Variants in MAP3K9 observed in about 807,000 individuals in gnomAD.
MAP3K9 encodes mixed lineage kinase 1 (tyr and ser/thr specificity).
MAP3K9 carries 46 observed loss-of-function variants against 95.8 expected under a neutral mutation model. The ratio of observed to expected loss-of-function variants is 0.48; its 90% CI spans 0.38 to 0.61. The LOEUF (loss-of-function observed/expected upper bound fraction) is 0.61, where lower values mean the gene tolerates loss of function less well. MAP3K9 is among the 20% of genes least tolerant of loss of function. The probability of loss-of-function intolerance (pLI) is 0.00; values close to 1 mark genes in which losing one functional copy is unlikely to be tolerated. For synonymous variants in MAP3K9, 533 were observed against 593.8 expected (o/e 0.90, Z 1.49); for missense variants, 1,296 against 1,474.3 (o/e 0.88, Z 1.98).
rs966999420 is a variant in MAP3K9, at chr14:70,749,872, C to T, written c.1150+61G>A. On this transcript the variant is annotated intron_variant, in intron 4 of 11. Transcript: ENST00000554752. The stretch of plus-strand genomic sequence containing the variant: ...CTGATCTCACAGAATTGGCCAAACT[C>T]TACCCAGTGCTTACAAGAGGCAAAG... 4.4e-6 allele frequency: 7 copies of T among 1,600,200 alleles called. No homozygotes were observed. The African/African-American group carries it at 8.0e-5, about 18-fold the overall frequency.
Position 70,732,776 on chromosome 14 carries a change from T to A in MAP3K9, c.2593A>T (p.Ser865Cys). The change falls in exon 11 of 12, where the codon AGC becomes TGC. Residue 865 changes from serine (S) to cysteine (C), a missense_variant. Transcript: ENST00000554752. The stretch of plus-strand genomic sequence containing the variant: ...CTCAGGGGAGGGGCCTCGACTGGGC[T>A]GACTGGCATCTCATACACGACAATT... ...DEIVVYEMPV[S>C]PVEAPPLSPC... 6.2e-7 allele frequency: 1 copy of A among 1,613,650 alleles called. No individual in the cohort carries two copies. Among genetic ancestry groups the A allele is most frequent in the Non-Finnish European group, 8.5e-7 (1 of 1,179,674 alleles).
chr14:70,747,273 G>C (rs2054160612), intron 5 of MAP3K9, among the ~76,000 whole-genome samples: 1 of 152,140 alleles, frequency 6.6e-6, no homozygotes, highest in Admixed American at 6.5e-5. Context: ...AATCATGGGG[G>C]TGGTTCCCTC....
intron 3 of MAP3K9, among the ~76,000 whole-genome samples, chr14:70,755,954 C>T (rs1306673195): frequency 6.6e-6 from 1 of 152,168 alleles, no homozygotes; most frequent in East Asian, 1.9e-4. Flanking sequence ...GGTTTACCTC[C>T]AAGTGATTTC....
chr14:70,768,142 C>T (rs1313565354), intron 2 of MAP3K9, among the ~76,000 whole-genome samples: 1 of 151,978 alleles, frequency 6.6e-6, no homozygotes, highest in Non-Finnish European at 1.5e-5. Flanking sequence ...TTAAAAATAA[C>T]TAAAGTATAA....
rs2055041050 is a variant in MAP3K9, at chr14:70,809,349, G to A, written c.-178C>T. On this transcript the variant is annotated 5_prime_UTR_variant, in exon 1 of 12. Coordinates refer to ENST00000554752, the MANE Select transcript of MAP3K9 (RefSeq NM_001284230.2). ...CGCCGGCGCTGTTACCGCGGTACGA[G>A]AAGAGCGCCGAGCGCGAGCTCTTCG... 2.6e-6 allele frequency: 2 copies of A among 766,592 alleles called. No homozygotes were observed. The highest frequency in any genetic ancestry group is 3.5e-6 in the Non-Finnish European group (2 of 564,022). The allele number at this position is 766,592 out of a possible 1,614,324, so 47.5% of individuals were successfully genotyped here. A position where few individuals can be genotyped will look rare whatever the true frequency, so the allele number is the denominator to read the frequency against.
At chr14:70,801,887 G>A (rs559472421) in intron 1 of MAP3K9, among the ~76,000 whole-genome samples, 3 of 152,142 alleles carry the variant, frequency 2.0e-5, no homozygotes, top group South Asian at 2.1e-4. Context: ...CGAAGTATAC[G>A]GTATATTAGG....
chr14:70,752,286 C>T (rs2139760240), intron 3 of MAP3K9, among the ~76,000 whole-genome samples: 1 of 152,292 alleles, frequency 6.6e-6, no homozygotes, highest in South Asian at 2.1e-4. Flanking sequence ...AGCCTATAGG[C>T]TCCTAAAGAG....
Position 70,801,059 on chromosome 14 carries a change from T to G in MAP3K9, c.428A>C (p.Glu143Ala), listed in dbSNP as rs2054924771. ...PIQLLEIDFA[E>A]LTLEEIIGIG... ...GCCAATAATCTCTTCCAAGGTGAGC[T>G]CCGCAAAATCAATTTCTAACACTGA... Residue 143 changes from glutamate (E) to alanine (A), a missense_variant, in exon 2 of 12, where the codon GAG becomes GCG. Coordinates refer to ENST00000554752, the MANE Select transcript of MAP3K9 (RefSeq NM_001284230.2). The G allele has an allele frequency of 1.9e-6, 3 of 1,607,982 alleles. No homozygotes were observed. The highest frequency in any genetic ancestry group is 2.7e-5 in the African/African-American group (2 of 74,766).
rs1460828187 is a variant in MAP3K9 at position 70,735,985 on chromosome 14, G to A, written c.1889C>T (p.Ser630Leu). The A allele has an allele frequency of 6.2e-7, 1 of 1,613,488 alleles. No individual in the cohort carries two copies. Among genetic ancestry groups the A allele is most frequent in the Admixed American group, 1.7e-5 (1 of 60,024 alleles). The part of the protein sequence containing the change: ...REKANGLSTP[S>L]ESPHFHLGLK... Reference sequence around the variant, plus strand: ...CCCCAAGTGGAAATGTGGAGATTCTGATGGGGTACTTAAACCATTAGCTTT... The same window carrying A: ...CCCCAAGTGGAAATGTGGAGATTCTAATGGGGTACTTAAACCATTAGCTTT... The change falls in exon 9 of 12, where the codon TCA (serine) becomes TTA (leucine). Residue 630 changes from serine (S) to leucine (L), a missense_variant. This residue lies in a region of MAP3K9 where 377 missense variants were observed against 417.1 expected (regional missense o/e 0.90). Coordinates refer to ENST00000554752, the MANE Select transcript of MAP3K9 (RefSeq NM_001284230.2).
chr14:70,755,715 G>A (rs1011512475), intron 3 of MAP3K9, among the ~76,000 whole-genome samples: 4 of 152,202 alleles, frequency 2.6e-5, no homozygotes, highest in African/African-American at 9.7e-5. Context: ...AGGAATGAAA[G>A]GCCCATTTAA....
Position 70,800,922 on chromosome 14 carries a change from G to C in MAP3K9, c.565C>G (p.Arg189Gly). 6.2e-7 allele frequency: 1 copy of C among 1,614,182 alleles called. No homozygotes were observed. The highest frequency in any genetic ancestry group is 8.5e-7 in the Non-Finnish European group (1 of 1,180,030). ...ATGGCGAAGAGCTTGGCCTCTTGGC[G>C]AACATTCTCTATGGTCTGGCTGATG... ...EDISQTIENV[R>G]QEAKLFAMLK... The change falls in exon 2 of 12, where the codon CGC becomes GGC. Residue 189 changes from arginine (R) to glycine (G), a missense_variant. Transcript: ENST00000554752.
At position 70,724,348 on chromosome 14, in the gene MAP3K9, C is replaced by G. The variant is rs775399365; in HGVS notation, c.*6032G>C. On this transcript the variant is annotated 3_prime_UTR_variant, in exon 12 of 12. Transcript: ENST00000554752. ...TGTTTCATTGCTGTAAGCCTACACACTCCTATTTAAATGCGAGCACCGCCA... is the reference window on the plus strand; with the variant it reads ...TGTTTCATTGCTGTAAGCCTACACAGTCCTATTTAAATGCGAGCACCGCCA... 3 of 152,140 alleles carry G rather than the reference C, an allele frequency of 2.0e-5. No homozygotes were observed. The highest frequency in any genetic ancestry group is 4.4e-5 in the Non-Finnish European group (3 of 68,028). The allele number at this position is 152,140 out of a possible 1,614,324, so 9.4% of individuals were successfully genotyped here.
chr14:70,768,648 A>T (rs562052329), intron 2 of MAP3K9, among the ~76,000 whole-genome samples: 1 of 152,328 alleles, frequency 6.6e-6, no homozygotes, highest in Non-Finnish European at 1.5e-5. Flanking sequence ...GGTCAGCAGG[A>T]GAAATCGGGG....
chr14:70,788,237 C>T (rs4902855), intron 2 of MAP3K9, among the ~76,000 whole-genome samples: 62,515 of 151,978 alleles, frequency 0.41, 13,316 homozygotes, highest in South Asian at 0.58. Context: ...ATGACTAAAA[C>T]AATGAAAATG....
chr14:70,730,324 C>T lies in MAP3K9; in HGVS notation c.*56G>A, dbSNP rs1421473186. On this transcript the variant is annotated 3_prime_UTR_variant, in exon 12 of 12. Transcript: ENST00000554752. ...CAACCCTGAGAAAGGGCTGTGCCCG[C>T]CAGCTCCCCTCATCTCCGCTGGCTG... 7 of 1,559,122 alleles carry T rather than the reference C, an allele frequency of 4.5e-6. No individual in the cohort carries two copies. Among genetic ancestry groups the T allele is most frequent in the Non-Finnish European group, 5.2e-6 (6 of 1,148,822 alleles).
intron 2 of MAP3K9, among the ~76,000 whole-genome samples, chr14:70,769,749 T>C (rs2054505981): frequency 6.6e-6 from 1 of 152,216 alleles, no homozygotes; most frequent in Non-Finnish European, 1.5e-5. Context: ...TGTGTATCTG[T>C]CTGCATCTTC....
At position 70,772,376 on chromosome 14, in the gene MAP3K9, C is replaced by T. The variant is rs139416372; in HGVS notation, c.821-11194G>A. 8.9e-3 allele frequency among the ~76,000 whole-genome samples: 1,347 copies of T among 152,190 alleles called. 9 individuals carry two copies. Among genetic ancestry groups the T allele is most frequent in the Middle Eastern group, 0.02 (6 of 294 alleles). ...AGCAAATGAATGGGTACAAAACACCCCTCATAGAGAGAGAGAGAGAGCATT... is the reference window on the plus strand; with the variant it reads ...AGCAAATGAATGGGTACAAAACACCTCTCATAGAGAGAGAGAGAGAGCATT... On this transcript the variant is annotated intron_variant, in intron 2 of 11. Transcript: ENST00000554752.
intron 4 of MAP3K9, among the ~76,000 whole-genome samples, chr14:70,749,221 G>A (rs1237743385): frequency 6.6e-6 from 1 of 152,182 alleles, no homozygotes; most frequent in Admixed American, 6.5e-5. Flanking sequence ...AAATGCAGCA[G>A]TTCTGTACTC....
chr14:70,801,192 T>C (rs1367462698), intron 1 of MAP3K9, 112 bp from the exon 2 acceptor site: 1 of 989,788 alleles, frequency 1.0e-6, no homozygotes, highest in Non-Finnish European at 1.5e-6. Context: ...TTACTGGGCC[T>C]TTCTGTCTCC....
Sources: allele counts gnomAD v4.1 joint callset (sites outside exome capture counted in the v4.1 genomes callset), GRCh38; gene constraint gnomAD v4.1.1; regional missense constraint gnomAD v4.1.1; transcripts MANE v1.5; gene names NCBI Gene and HGNC (gene_info 2026-07-23, HGNC 2026-07-21).